NRG3: variants seen among roughly 807,000 people sequenced by gnomAD.
NRG3 encodes neuregulin 3.
In NRG3, 31 loss-of-function variants were observed where a neutral mutation model predicts 66.9. That is an observed-to-expected ratio of 0.46 (90% confidence interval 0.35 to 0.63). The LOEUF (loss-of-function observed/expected upper bound fraction) is 0.63. Among genes scored for constraint, NRG3 ranks in the 20% least tolerant of loss-of-function variants. The pLI, the probability that NRG3 is intolerant of heterozygous loss-of-function variation, is 0.00. For missense variants in NRG3, 910 were observed against 878.9 expected (o/e 1.04, Z -0.45); for synonymous variants, 393 against 359.4 (o/e 1.09, Z -1.06).
chr10:82,276,431 C>T lies in NRG3; in HGVS notation c.824-82308C>T, dbSNP rs1347657468. Among the ~76,000 whole-genome samples the T allele has an allele frequency of 2.0e-5, 3 of 152,048 alleles. No homozygotes were observed. In the East Asian group the frequency reaches 5.8e-4, roughly 29 times the overall value. On this transcript the variant is annotated intron_variant, in intron 1 of 8. Transcript: ENST00000372141. ...GAAGGAAAAGGAATTTTTGTGTTTTCATAAGTTATTGTATAATTGGCTGAC... is the reference window on the plus strand; with the variant it reads ...GAAGGAAAAGGAATTTTTGTGTTTTTATAAGTTATTGTATAATTGGCTGAC...
At chr10:82,243,518 T>C (rs973977716) in intron 1 of NRG3, among the ~76,000 whole-genome samples, 4 of 152,176 alleles carry the variant, frequency 2.6e-5, no homozygotes, top group Admixed American at 1.3e-4. Context: ...TTAAGGTCTT[T>C]AGAAATAAAA....
At chr10:82,319,552 A>G (rs747101431) in intron 1 of NRG3, among the ~76,000 whole-genome samples, 9 of 152,186 alleles carry the variant, frequency 5.9e-5, no homozygotes, top group Admixed American at 1.3e-4. Flanking sequence ...TTGAATGCCT[A>G]ATTCTGAGAT....
intron 3 of NRG3, among the ~76,000 whole-genome samples, chr10:82,842,555 C>G (rs2063110639): frequency 1.3e-5 from 2 of 152,120 alleles, no homozygotes; most frequent in South Asian, 4.1e-4. Context: ...ATAGATACAT[C>G]ATAACCCTGT....
intron 1 of NRG3, among the ~76,000 whole-genome samples, chr10:82,191,323 C>G (rs778801928): frequency 6.6e-6 from 1 of 152,192 alleles, no homozygotes; most frequent in South Asian, 2.1e-4. Context: ...AATGTCAGCT[C>G]AGGCAGTTCA....
chr10:82,317,081 T>C (rs2081333757), intron 1 of NRG3, among the ~76,000 whole-genome samples: 1 of 152,138 alleles, frequency 6.6e-6, no homozygotes, highest in African/African-American at 2.4e-5. Context: ...AAAATATCAG[T>C]CCTATGCTTT....
chr10:82,697,963 G>A (rs911405361), intron 2 of NRG3, among the ~76,000 whole-genome samples: 1 of 152,094 alleles, frequency 6.6e-6, no homozygotes, highest in Non-Finnish European at 1.5e-5. Flanking sequence ...CCTGTCTTAC[G>A]AAAGGGAGAG....
intron 6 of NRG3, among the ~76,000 whole-genome samples, chr10:82,970,096 T>C (rs1851587787): frequency 6.6e-6 from 1 of 152,206 alleles, no homozygotes; most frequent in Admixed American, 6.6e-5. Flanking sequence ...TGGACAATTG[T>C]GCTGCTGATG....
chr10:82,226,867 A>G (rs933990079), intron 1 of NRG3, among the ~76,000 whole-genome samples: 12 of 152,160 alleles, frequency 7.9e-5, no homozygotes, highest in African/African-American at 2.7e-4. Flanking sequence ...TCAGTGCTCA[A>G]TAATTGTCAG....
chr10:82,893,192 C>T (rs1482210331), intron 4 of NRG3, among the ~76,000 whole-genome samples: 2 of 151,988 alleles, frequency 1.3e-5, no homozygotes, highest in African/African-American at 4.8e-5. Flanking sequence ...ATACAAATAA[C>T]AACATTCTAG....
chr10:82,211,383 T>C (rs895622805), intron 1 of NRG3, among the ~76,000 whole-genome samples: 2 of 152,128 alleles, frequency 1.3e-5, no homozygotes, highest in Non-Finnish European at 2.9e-5. Flanking sequence ...GGCAGGAAAA[T>C]ACAGGAAGCT....
intron 1 of NRG3, among the ~76,000 whole-genome samples, chr10:82,267,233 AGACT>A (rs1183919465): frequency 2.6e-5 from 4 of 152,222 alleles, no homozygotes; most frequent in East Asian, 3.9e-4. Flanking sequence ...CATAGTCCTC[AGACT>A]GACTATCACA....
intron 2 of NRG3, among the ~76,000 whole-genome samples, chr10:82,636,274 G>A (rs2050192463): frequency 6.6e-6 from 1 of 151,246 alleles, no homozygotes; most frequent in Admixed American, 6.6e-5. Context: ...TATGTGTACA[G>A]GCATGCGGTG....
intron 2 of NRG3, among the ~76,000 whole-genome samples, chr10:82,603,765 A>AT (rs2047786568): frequency 6.6e-6 from 1 of 152,214 alleles, no homozygotes; most frequent in South Asian, 2.1e-4. Context: ...TGTAGGATTA[A>AT]TTTAAATAGA....
At chr10:82,797,986 A>G (rs1329894474) in intron 3 of NRG3, among the ~76,000 whole-genome samples, 3 of 152,182 alleles carry the variant, frequency 2.0e-5, no homozygotes, top group Non-Finnish European at 4.4e-5. Context: ...CTACATTAAA[A>G]TATTTTTAAA....
At chr10:82,937,080 C>G (rs1848143073) in intron 4 of NRG3, among the ~76,000 whole-genome samples, 1 of 152,174 alleles carries the variant, frequency 6.6e-6, no homozygotes, top group Admixed American at 6.6e-5. Flanking sequence ...ATGAGTTTGA[C>G]TACAACACTC....
At chr10:82,636,857 A>AGT (rs1000099214) in intron 2 of NRG3, among the ~76,000 whole-genome samples, 1 of 150,848 alleles carries the variant, frequency 6.6e-6, no homozygotes, top group Non-Finnish European at 1.5e-5. Context: ...TGTGTGAGAG[A>AGT]GTGTGTGTGT....
chr10:82,894,909 C>T lies in NRG3; in HGVS notation c.1054+29472C>T, dbSNP rs533585382. The stretch of plus-strand genomic sequence containing the variant: ...TCTCCCTCCCCTTGCCCCCACTGCC[C>T]GACAGGCCCTGGTGTGTGATGTTCC... On this transcript the variant is annotated intron_variant, in intron 4 of 8. Coordinates refer to ENST00000372141, the MANE Select transcript of NRG3 (RefSeq NM_001010848.4). Among the ~76,000 whole-genome samples the T allele has an allele frequency of 5.9e-5, 9 of 152,188 alleles. No individual in the cohort carries two copies. In the East Asian group the frequency reaches 7.7e-4, roughly 13 times the overall value.
chr10:82,877,866 A>G (rs1277635548), intron 4 of NRG3, among the ~76,000 whole-genome samples: 1 of 152,224 alleles, frequency 6.6e-6, no homozygotes, highest in Non-Finnish European at 1.5e-5. Flanking sequence ...TGTGGAAAAC[A>G]TTAGGTTCTG....
At chr10:82,725,793 A>G (rs1016959438) in intron 2 of NRG3, among the ~76,000 whole-genome samples, 4 of 152,180 alleles carry the variant, frequency 2.6e-5, no homozygotes, top group Admixed American at 2.6e-4. Context: ...ACTGTATTTT[A>G]CCTGGCAACA....
Sources: allele counts gnomAD v4.1 joint callset (sites outside exome capture counted in the v4.1 genomes callset), GRCh38; gene constraint gnomAD v4.1.1; transcripts MANE v1.5; gene names NCBI Gene and HGNC (gene_info 2026-07-23, HGNC 2026-07-21).